SGCD: variants seen among roughly 807,000 people sequenced by gnomAD.
SGCD encodes the protein sarcoglycan delta, also known as delta-sarcoglycan.
SGCD carries 18 observed loss-of-function variants against 36.6 expected under a neutral mutation model. That is an observed-to-expected ratio of 0.49 (90% confidence interval 0.34 to 0.73). SGCD has a LOEUF of 0.73. Among genes scored for constraint, SGCD ranks in the 30% least tolerant of loss-of-function variants. The pLI is 0.01. For missense variants in SGCD, 387 were observed against 346.7 expected, an observed-to-expected ratio of 1.12 and a Z score of -0.92; for synonymous variants, 133 against 130.6, an observed-to-expected ratio of 1.02 and a Z score of -0.12.
intron 1 of SGCD, among the ~76,000 whole-genome samples, chr5:156,085,946 C>T (rs1040992442): frequency 4.3e-4 from 66 of 152,280 alleles, no homozygotes; most frequent in African/African-American, 1.6e-3. Flanking sequence ...CCATTTGTTT[C>T]CCATGTTTGT....
chr5:156,593,855 AAGAAAAC>A (rs552491888), intron 5 of SGCD, among the ~76,000 whole-genome samples: 103 of 152,308 alleles, frequency 6.8e-4, no homozygotes, highest in African/African-American at 2.4e-3. Context: ...AAATACCAGA[AAGAAAAC>A]AATTCCATGT....
chr5:156,649,234 G>A (rs558449580), intron 7 of SGCD, among the ~76,000 whole-genome samples: 1 of 152,250 alleles, frequency 6.6e-6, no homozygotes, highest in South Asian at 2.1e-4. Flanking sequence ...AGGATGTGGA[G>A]AAATAGGAAC....
chr5:156,213,457 T>G (rs1052584522), intron 3 of SGCD, among the ~76,000 whole-genome samples: 4 of 151,936 alleles, frequency 2.6e-5, no homozygotes, highest in African/African-American at 9.7e-5. Context: ...ATGAGTAATG[T>G]TATTGATTTG....
At chr5:156,644,197 A>G (rs1256366865) in intron 6 of SGCD, among the ~76,000 whole-genome samples, 3 of 152,178 alleles carry the variant, frequency 2.0e-5, no homozygotes, top group Non-Finnish European at 2.9e-5. Context: ...AATTTTCTTT[A>G]TCAAATTTCA....
At chr5:156,609,555 G>T (rs558920945) in intron 6 of SGCD, among the ~76,000 whole-genome samples, 9 of 152,250 alleles carry the variant, frequency 5.9e-5, no homozygotes, top group African/African-American at 1.9e-4. Context: ...GTATCTTTAT[G>T]GCATTCTCTG....
intron 3 of SGCD, among the ~76,000 whole-genome samples, chr5:156,166,449 T>C (rs1382692952): frequency 1.3e-5 from 2 of 152,156 alleles, no homozygotes; most frequent in African/African-American, 4.8e-5. Context: ...CCCGAGTAGC[T>C]GGGACTACAG....
intron 7 of SGCD, among the ~76,000 whole-genome samples, chr5:156,652,064 A>G (rs899247371): frequency 2.0e-5 from 3 of 152,194 alleles, no homozygotes; most frequent in South Asian, 2.1e-4. Context: ...GGCTCTCAGC[A>G]TGAATATTAC....
chr5:156,192,041 G>T (rs1204330683), intron 3 of SGCD, among the ~76,000 whole-genome samples: 1 of 152,158 alleles, frequency 6.6e-6, no homozygotes, highest in Non-Finnish European at 1.5e-5. Flanking sequence ...AATGATCCAA[G>T]GAGAAAAAGA....
At chr5:156,610,514 G>C (rs1212501341) in intron 6 of SGCD, among the ~76,000 whole-genome samples, 3 of 152,250 alleles carry the variant, frequency 2.0e-5, no homozygotes, top group African/African-American at 4.8e-5. Context: ...GGGGCAGTCT[G>C]TCCGTTCTCA....
At chr5:156,060,912 G>A (rs1029752164) in intron 1 of SGCD, among the ~76,000 whole-genome samples, 3 of 145,552 alleles carry the variant, frequency 2.1e-5, no homozygotes, top group Non-Finnish European at 1.5e-5. Context: ...CCACCCAGAT[G>A]TGTGTTTTTC....
intron 3 of SGCD, among the ~76,000 whole-genome samples, chr5:156,286,124 A>G (rs1011433947): frequency 3.9e-5 from 6 of 152,220 alleles, no homozygotes; most frequent in African/African-American, 1.4e-4. Context: ...CCACAATGAG[A>G]TACCATCTCA....
intron 6 of SGCD, among the ~76,000 whole-genome samples, chr5:156,633,771 T>G (rs1762722037): frequency 1.3e-5 from 2 of 152,216 alleles, no homozygotes; most frequent in Non-Finnish European, 2.9e-5. Context: ...GTTCAAGAAT[T>G]GACAAAGCGT....
chr5:156,671,273 T>G (rs1753280069), intron 7 of SGCD, among the ~76,000 whole-genome samples: 3 of 4,204 alleles, frequency 7.1e-4, no homozygotes, highest in Admixed American at 3.6e-3. Context: ...CTATTGATTC[T>G]TTTTTTTTTT....
intron 3 of SGCD, among the ~76,000 whole-genome samples, chr5:156,200,579 A>C (rs768505518): frequency 6.6e-6 from 1 of 152,178 alleles, no homozygotes; most frequent in African/African-American, 2.4e-5. Context: ...CATGGCAGAA[A>C]ATGTTCAGGA....
chr5:156,010,275 T>C (rs544320923), intron 1 of SGCD, among the ~76,000 whole-genome samples: 1 of 152,346 alleles, frequency 6.6e-6, no homozygotes. Flanking sequence ...ATCTTTGGGT[T>C]AGGATATTAC....
At chr5:156,358,038 C>T (rs866783359) in intron 3 of SGCD, among the ~76,000 whole-genome samples, 3 of 152,074 alleles carry the variant, frequency 2.0e-5, no homozygotes, top group Admixed American at 6.6e-5. Flanking sequence ...TTGGATTGGC[C>T]GATGTATGGG....
intron 3 of SGCD, among the ~76,000 whole-genome samples, chr5:156,406,677 C>G (rs979620962): frequency 1.3e-5 from 2 of 151,204 alleles, no homozygotes. Flanking sequence ...CTCAAAACAG[C>G]CCGATGAGGT....
chr5:156,440,155 T>C (rs1580995748), intron 3 of SGCD, among the ~76,000 whole-genome samples: 1 of 152,122 alleles, frequency 6.6e-6, no homozygotes, highest in Non-Finnish European at 1.5e-5. Context: ...CCTGTAGTCA[T>C]TGGCAACCTA....
intron 3 of SGCD, among the ~76,000 whole-genome samples, chr5:156,137,338 TAA>T (rs777888575): frequency 5.9e-5 from 9 of 152,218 alleles, no homozygotes; most frequent in Non-Finnish European, 1.0e-4. Context: ...GACCTGCATA[TAA>T]AAGTGTCATG....
Sources: allele counts gnomAD v4.1 joint callset (sites outside exome capture counted in the v4.1 genomes callset), GRCh38; gene constraint gnomAD v4.1.1; transcripts MANE v1.5; gene names NCBI Gene and HGNC (gene_info 2026-07-23, HGNC 2026-07-21).